PINX1: variants seen among roughly 807,000 people sequenced by gnomAD.
PINX1 encodes the protein PIN2/TERF1-interacting telomerase inhibitor 1.
Under a neutral mutation model 25.4 loss-of-function variants are expected in PINX1, and 34 were observed. The ratio of observed to expected loss-of-function variants is 1.34; its 90% CI spans 1.02 to 1.78. PINX1 has a LOEUF of 1.78. Ranked by LOEUF, PINX1 falls within the 40% of genes most tolerant of loss-of-function variation. The pLI is 0.00. For synonymous variants in PINX1, 197 were observed against 147.7 expected, an observed-to-expected ratio of 1.33 and a Z score of -2.42; for missense variants, 592 against 404.9, an observed-to-expected ratio of 1.46 and a Z score of -3.97.
intron 6 of PINX1, among the ~76,000 whole-genome samples, chr8:10,781,924 A>C (rs961631108): frequency 1.3e-5 from 2 of 151,836 alleles, no homozygotes; most frequent in Non-Finnish European, 2.9e-5. Flanking sequence ...CAAGACATGG[A>C]AACATCCTAA....
intron 6 of PINX1, among the ~76,000 whole-genome samples, chr8:10,795,111 A>G (rs1371859215): frequency 6.6e-6 from 1 of 152,230 alleles, no homozygotes; most frequent in Non-Finnish European, 1.5e-5. Context: ...GACTTTATAA[A>G]TGCAAAATTC....
At chr8:10,825,404 T>G (rs371064472) in intron 5 of PINX1, 3 of 534,722 alleles carry the variant, frequency 5.6e-6, no homozygotes, top group Non-Finnish European at 1.2e-5. Context: ...ACGCTTCTTA[T>G]GTAAACTATG....
intron 1 of PINX1, among the ~76,000 whole-genome samples, chr8:10,838,364 C>G (rs1357916962): frequency 6.6e-6 from 1 of 152,224 alleles, no homozygotes; most frequent in Non-Finnish European, 1.5e-5. Flanking sequence ...AAGAGGAGAA[C>G]TGAAAACACT....
chr8:10,817,302 G>A (rs766016966), intron 6 of PINX1, among the ~76,000 whole-genome samples: 3 of 152,278 alleles, frequency 2.0e-5, no homozygotes, highest in African/African-American at 2.4e-5. Context: ...AGAGTCAAGC[G>A]AAGCAACAAC....
At chr8:10,810,787 C>T (rs988783672) in intron 6 of PINX1, among the ~76,000 whole-genome samples, 1 of 152,172 alleles carries the variant, frequency 6.6e-6, no homozygotes, top group African/African-American at 2.4e-5. Context: ...TACTTATCTT[C>T]AACATCAATT....
chr8:10,829,285 CAAAAAA>C (rs57684473), intron 4 of PINX1, among the ~76,000 whole-genome samples: 6 of 90,526 alleles, frequency 6.6e-5, no homozygotes, highest in African/African-American at 4.0e-5. Flanking sequence ...GACTCCATCT[CAAAAAA>C]AAAAAAAAAA....
intron 6 of PINX1, among the ~76,000 whole-genome samples, chr8:10,805,591 C>T (rs1192903058): frequency 8.0e-6 from 1 of 124,880 alleles, no homozygotes; most frequent in Admixed American, 8.0e-5. Context: ...TGACAGAGCA[C>T]AGGAAGGGGC....
At chr8:10,777,951 G>T (rs1164984548) in intron 6 of PINX1, among the ~76,000 whole-genome samples, 1 of 152,154 alleles carries the variant, frequency 6.6e-6, no homozygotes, top group East Asian at 1.9e-4. Flanking sequence ...CTGGGGCCAG[G>T]ACACACTTGC....
rs773716802 is a variant in PINX1, at chr8:10,765,700, G to T, written c.688C>A (p.Pro230Thr). 1.9e-5 allele frequency: 30 copies of T among 1,613,846 alleles called. No individual in the cohort carries two copies. The highest frequency in any genetic ancestry group is 2.4e-5 in the Non-Finnish European group (28 of 1,179,890). ...TGKDVESYLQ[P>T]KAKRHTEGKP... ...CCCTCCGTGTGCCTCTTGGCCTTAG[G>T]CTGGAGGTAACTTTCCACATCTTTA... The change falls in exon 7 of 7, where the codon CCT (proline) becomes ACT (threonine). Residue 230 changes from proline to threonine, a missense_variant. Coordinates refer to ENST00000314787, the MANE Select transcript of PINX1 (RefSeq NM_017884.6).
intron 4 of PINX1, among the ~76,000 whole-genome samples, chr8:10,827,081 A>G (rs1798074661): frequency 6.6e-6 from 1 of 152,258 alleles, no homozygotes; most frequent in Non-Finnish European, 1.5e-5. Flanking sequence ...GAAAAGCCAC[A>G]GCAATGTAAT....
intron 6 of PINX1, among the ~76,000 whole-genome samples, chr8:10,803,595 T>G (rs1802339550): frequency 6.6e-6 from 1 of 152,220 alleles, no homozygotes; most frequent in African/African-American, 2.4e-5. Flanking sequence ...TAAGATTGCA[T>G]CTCTATAACT....
At chr8:10,784,966 A>T (rs1801701302) in intron 6 of PINX1, among the ~76,000 whole-genome samples, 1 of 152,224 alleles carries the variant, frequency 6.6e-6, no homozygotes, top group Non-Finnish European at 1.5e-5. Flanking sequence ...CTAGAGGCTC[A>T]GGTGGCTTCA....
At position 10,765,731 on chromosome 8, in the gene PINX1, G is replaced by C; in HGVS notation, c.657C>G (p.Ala219=). Residue 219 remains alanine (A), a synonymous_variant, in exon 7 of 7, where the codon GCC becomes GCG. Transcript: ENST00000314787. ...RKRGKKRNKE[A]TGKDVESYLQ... is the part of the protein sequence containing the mutation. Reference sequence around the variant, plus strand: ...GGTAACTTTCCACATCTTTACCTGTGGCCTCTTTATTTCTTTTCTTCCCCC... The same window carrying C: ...GGTAACTTTCCACATCTTTACCTGTCGCCTCTTTATTTCTTTTCTTCCCCC... 6.2e-7 allele frequency: 1 copy of C among 1,613,940 alleles called. No homozygotes were observed. The highest frequency in any genetic ancestry group is 8.5e-7 in the Non-Finnish European group (1 of 1,179,852).
intron 1 of PINX1, among the ~76,000 whole-genome samples, chr8:10,837,381 A>C (rs769387396): frequency 1.3e-5 from 2 of 152,184 alleles, no homozygotes; most frequent in African/African-American, 2.4e-5. Flanking sequence ...CTTAGCCTGG[A>C]CTTTGCCCCG....
At chr8:10,810,300 C>G (rs1802587857) in intron 6 of PINX1, among the ~76,000 whole-genome samples, 1 of 152,188 alleles carries the variant, frequency 6.6e-6, no homozygotes. Flanking sequence ...TTCCACATTG[C>G]TAGTTATATT....
At position 10,782,833 on chromosome 8, in the gene PINX1, C is replaced by G. The variant is rs565680387; in HGVS notation, c.472-16917G>C. ...AGCTGCAATGCATTGAAACGTCAAACATTTCAATTCACGAACAATAAAAAA... is the reference window on the plus strand; with the variant it reads ...AGCTGCAATGCATTGAAACGTCAAAGATTTCAATTCACGAACAATAAAAAA... On this transcript the variant is annotated intron_variant, in intron 6 of 6. Coordinates refer to ENST00000314787, the MANE Select transcript of PINX1 (RefSeq NM_017884.6). Among the ~76,000 whole-genome samples the G allele has an allele frequency of 2.4e-4, 37 of 152,288 alleles. No homozygotes were observed. The South Asian group carries it at 7.7e-3, about 32-fold the overall frequency.
In PINX1 at chr8:10,767,421, C is replaced by T. The variant is rs1331651016; in HGVS notation, c.472-1505G>A. ...CAAGGGGTACATTAAAAAAAAAAAT[C>T]ATGTGGTCAATTCTGGAATTTCAAA... On this transcript the variant is annotated intron_variant, in intron 6 of 6. Transcript: ENST00000314787. 2.0e-5 allele frequency among the ~76,000 whole-genome samples: 3 copies of T among 152,024 alleles called. No homozygotes were observed. The East Asian group carries it at 5.8e-4, about 29-fold the overall frequency.
Position 10,805,593 on chromosome 8 carries a change from G to A in PINX1, c.471+14600C>T, listed in dbSNP as rs574349488. Among the ~76,000 whole-genome samples, 128 of 131,684 alleles carry A rather than the reference G, an allele frequency of 9.7e-4. 1 individual carries two copies. The highest frequency in any genetic ancestry group is 3.6e-3 in the African/African-American group (124 of 34,524). The allele number at this position is 131,684 out of a possible 152,430, so 86.4% of individuals were successfully genotyped here. A position where few individuals can be genotyped will look rare whatever the true frequency, so the allele number is the denominator to read the frequency against. ...AGTGCTGAGGGGGTGACAGAGCACA[G>A]GAAGGGGCCACACTAGCGCTGAGTG... On this transcript the variant is annotated intron_variant, in intron 6 of 6. Coordinates refer to ENST00000314787, the MANE Select transcript of PINX1 (RefSeq NM_017884.6).
chr8:10,767,124 G>C (rs1319338607), intron 6 of PINX1, among the ~76,000 whole-genome samples: 3 of 152,162 alleles, frequency 2.0e-5, no homozygotes, highest in African/African-American at 7.2e-5. Context: ...TTTCATGATG[G>C]GAGGGTGGGA....
Sources: gnomAD v4.1 joint callset for allele counts (sites outside exome capture counted in the v4.1 genomes callset) on GRCh38, gnomAD v4.1.1 for gene constraint, MANE v1.5 for transcripts, NCBI Gene and HGNC (gene_info 2026-07-23, HGNC 2026-07-21) for gene names.